CCKBR: variants seen among roughly 807,000 people sequenced by gnomAD.
The protein encoded by CCKBR is gastrin/cholecystokinin type B receptor.
A neutral mutation model predicts 34.6 loss-of-function variants in CCKBR; 33 were observed. The ratio of observed to expected loss-of-function variants is 0.95; its 90% CI spans 0.72 to 1.27. CCKBR has a LOEUF of 1.27. Ranked by LOEUF, CCKBR falls within the 50% of genes most tolerant of loss-of-function variation. The pLI, the probability that CCKBR is intolerant of heterozygous loss-of-function variation, is 0.00. For synonymous variants in CCKBR, 269 were observed against 267.5 expected (o/e 1.01, Z -0.06); for missense variants, 652 against 617.4 (o/e 1.06, Z -0.59).
chr11:6,260,224 C>G, intron 1 of CCKBR, 145 bp downstream of exon 1: 1 of 573,314 alleles, frequency 1.7e-6, no homozygotes, highest in South Asian at 2.3e-5. Context: ...CCAAACAGCT[C>G]CCCTCACACC....
At chr11:6,268,264 A>G (rs1218081341) in intron 1 of CCKBR, among the ~76,000 whole-genome samples, 1 of 152,160 alleles carries the variant, frequency 6.6e-6, no homozygotes, top group African/African-American at 2.4e-5. Flanking sequence ...CAGTCAAAGT[A>G]TGGGGCTCTG....
rs753026530 is a variant in CCKBR at position 6,271,445 on chromosome 11, C to T, written c.1246C>T (p.Arg416Cys). The T allele has an allele frequency of 8.7e-6, 14 of 1,613,466 alleles. No homozygotes were observed. The East Asian group carries it at 1.6e-4, about 18-fold the overall frequency. The change falls in exon 5 of 5, where the codon CGC (arginine) becomes TGC (cysteine). Residue 416 changes from arginine (R) to cysteine (C), a missense_variant. Coordinates refer to ENST00000334619, the MANE Select transcript of CCKBR (RefSeq NM_176875.4). The part of the protein sequence containing the change: ...ARCCPRPPRA[R>C]PRALPDEDPP... ...CTGCTGCCCCCGGCCTCCACGAGCTCGCCCCAGGGCTCTTCCCGATGAGGA... is the reference window on the plus strand; with the variant it reads ...CTGCTGCCCCCGGCCTCCACGAGCTTGCCCCAGGGCTCTTCCCGATGAGGA...
At chr11:6,262,518 G>A (rs896600640) in intron 1 of CCKBR, among the ~76,000 whole-genome samples, 7 of 152,112 alleles carry the variant, frequency 4.6e-5, no homozygotes, top group Non-Finnish European at 8.8e-5. Context: ...TAAAAAACAG[G>A]ACAGTCAGAA....
At chr11:6,261,679 C>A (rs560373566) in intron 1 of CCKBR, among the ~76,000 whole-genome samples, 1 of 152,142 alleles carries the variant, frequency 6.6e-6, no homozygotes, top group South Asian at 2.1e-4. Context: ...AGGCTGGAGA[C>A]CAGCCTAGAG....
intron 1 of CCKBR, among the ~76,000 whole-genome samples, chr11:6,261,405 A>C (rs983471628): frequency 2.2e-5 from 3 of 139,268 alleles, no homozygotes; most frequent in African/African-American, 8.0e-5. Context: ...CAAAAAAATT[A>C]GGGAGGCTGG....
chr11:6,266,040 A>G (rs576787548), intron 1 of CCKBR, among the ~76,000 whole-genome samples: 4 of 152,176 alleles, frequency 2.6e-5, no homozygotes, highest in Non-Finnish European at 5.9e-5. Flanking sequence ...TGCTAGGGAT[A>G]TACTGGAGAG....
At chr11:6,260,102 C>G (rs780613205) in intron 1 of CCKBR, 23 bp downstream of exon 1, 13 of 1,568,962 alleles carry the variant, frequency 8.3e-6, no homozygotes, top group Non-Finnish European at 8.6e-6. Flanking sequence ...CTCAGCCCCC[C>G]CCACAAGCTA....
Position 6,271,005 on chromosome 11 carries a change from G to A in CCKBR, c.812-6G>A. The A allele has an allele frequency of 6.2e-7, 1 of 1,614,132 alleles. No individual in the cohort carries two copies. The highest frequency in any genetic ancestry group is 8.5e-7 in the Non-Finnish European group (1 of 1,179,994). ...TTTTCTCTGACCGCCCACCCTTTGT[G>A]CTCAGGGGCTGTTCACCAGAACGGG... On this transcript the variant is annotated splice_region_variant and splice_polypyrimidine_tract_variant and intron_variant, in intron 4 of 4. Coordinates refer to ENST00000334619, the MANE Select transcript of CCKBR (RefSeq NM_176875.4).
At chr11:6,270,902 A>C (rs1363158291) in intron 4 of CCKBR, 99 bp downstream of exon 4, 1 of 1,610,954 alleles carries the variant, frequency 6.2e-7, no homozygotes, top group African/African-American at 1.3e-5. Flanking sequence ...GGTGAGGGTG[A>C]GAAGGAAGCT....
chr11:6,263,987 C>T (rs2941029), intron 1 of CCKBR, among the ~76,000 whole-genome samples: 79,091 of 152,026 alleles, frequency 0.52, 21,191 homozygotes, highest in East Asian at 0.82. Context: ...TTAACCCTTG[C>T]TCTTTCAAAT....
At chr11:6,270,592 A>G (rs1848284257) in intron 3 of CCKBR, 54 bp from the exon 4 acceptor site, 1 of 1,533,794 alleles carries the variant, frequency 6.5e-7, no homozygotes, top group Non-Finnish European at 8.8e-7. Context: ...CTTTTTCTCC[A>G]TCTGTGATTA....
chr11:6,266,519 C>A (rs890875859), intron 1 of CCKBR, among the ~76,000 whole-genome samples: 2 of 151,680 alleles, frequency 1.3e-5, no homozygotes, highest in African/African-American at 2.4e-5. Flanking sequence ...AACAAACAAA[C>A]AAAAAACATG....
In CCKBR at chr11:6,269,791, T is replaced by C. The variant is rs200387081; in HGVS notation, c.274T>C (p.Phe92Leu). Residue 92 changes from phenylalanine (F) to leucine (L), a missense_variant, in exon 2 of 5, where the codon TTC (phenylalanine) becomes CTC (leucine). Coordinates refer to ENST00000334619, the MANE Select transcript of CCKBR (RefSeq NM_176875.4). ...SRRLRTVTNAFLLSLAVSDLL... is the reference protein window; with the variant it reads ...SRRLRTVTNALLLSLAVSDLL... ...CCGCCTGAGGACTGTCACCAATGCC[T>C]TCCTCCTCTCACTGGCAGTCAGCGA... The C allele has an allele frequency of 3.1e-6, 5 of 1,614,174 alleles. No homozygotes were observed. The South Asian group carries it at 5.5e-5, about 18-fold the overall frequency.
intron 1 of CCKBR, chr11:6,264,724 T>C: frequency 9.4e-6 from 4 of 426,606 alleles, no homozygotes; most frequent in Non-Finnish European, 1.2e-5. Flanking sequence ...CACACATCAA[T>C]ACACACACAC....
intron 1 of CCKBR, among the ~76,000 whole-genome samples, chr11:6,262,403 C>T (rs1453662460): frequency 1.3e-5 from 2 of 152,012 alleles, no homozygotes; most frequent in Non-Finnish European, 2.9e-5. Context: ...TCAGATGAAA[C>T]CATCAGAAAG....
chr11:6,265,151 T>C (rs1353006065), intron 1 of CCKBR, among the ~76,000 whole-genome samples: 1 of 152,160 alleles, frequency 6.6e-6, no homozygotes, highest in African/African-American at 2.4e-5. Context: ...TTAATTAGAA[T>C]TTTTCACATT....
intron 1 of CCKBR, among the ~76,000 whole-genome samples, chr11:6,269,252 G>A (rs73395102): frequency 3.0e-4 from 46 of 151,812 alleles, no homozygotes; most frequent in African/African-American, 1.0e-3. Context: ...ATACTCTAGC[G>A]GGGTCAAATA....
At position 6,270,776 on chromosome 11, in the gene CCKBR, A is replaced by T. The variant is rs775503670; in HGVS notation, c.784A>T (p.Arg262Trp). The T allele has an allele frequency of 6.2e-7, 1 of 1,614,186 alleles. No homozygotes were observed. Among genetic ancestry groups the T allele is most frequent in the South Asian group, 1.1e-5 (1 of 91,084 alleles). Residue 262 changes from arginine (R) to tryptophan (W), a missense_variant, in exon 4 of 5, where the codon AGG becomes TGG. Arg to Trp is a moderately radical substitution (Grantham distance 101, BLOSUM62 -3). Transcript: ENST00000334619. Reference protein sequence around the residue: ...DGDSDSDSQSRVRNQGGLPGA... With the variant: ...DGDSDSDSQSWVRNQGGLPGA... ...CGACAGTGACAGCGACAGCCAAAGC[A>T]GGGTCCGAAACCAAGGCGGGCTGCC...
Position 6,270,089 on chromosome 11 carries a change from GGT to G in CCKBR, c.408_409del (p.Ser137CysfsTer115). ...ICKAVSYLMG[V>X]SVSVSTLSLV... is the part of the protein sequence containing the mutation. The stretch of plus-strand genomic sequence containing the variant: ...CTTCCTTTCTCTTCCCTTGTTTAGG[GGT>G]GTCTGTGAGTGTGTCCACGCTAAGC... On this transcript the variant is annotated frameshift_variant and splice_region_variant, in exon 3 of 5. Transcript: ENST00000334619. LOFTEE classifies it high-confidence loss of function. 1 of 1,602,744 alleles carries G rather than the reference GGT, an allele frequency of 6.2e-7. No individual in the cohort carries two copies.
Sources: allele counts gnomAD v4.1 joint callset (sites outside exome capture counted in the v4.1 genomes callset), GRCh38; gene constraint gnomAD v4.1.1; transcripts MANE v1.5; gene names NCBI Gene and HGNC (gene_info 2026-07-23, HGNC 2026-07-21).